Variants in TBC1D32 observed in about 807,000 individuals in gnomAD.
The protein encoded by TBC1D32 is TBC1 domain family member 32.
A neutral mutation model predicts 170.3 loss-of-function variants in TBC1D32; 151 were observed. The ratio of observed to expected loss-of-function variants is 0.89; its 90% CI spans 0.78 to 1.01. The LOEUF (loss-of-function observed/expected upper bound fraction) is 1.01. TBC1D32 is among the 50% of genes least tolerant of loss of function. The probability of loss-of-function intolerance (pLI) is 0.00; values close to 1 mark genes in which losing one functional copy is unlikely to be tolerated. For synonymous variants in TBC1D32, 498 were observed against 488.0 expected, an observed-to-expected ratio of 1.02 and a Z score of -0.27; for missense variants, 1,464 against 1,457.1, an observed-to-expected ratio of 1.00 and a Z score of -0.08.
chr6:121,112,701 ATAAAATAT>A (rs1419865763), intron 28 of TBC1D32, 42 bp from the exon 29 acceptor site: 6 of 1,423,918 alleles, frequency 4.2e-6, no homozygotes, highest in Non-Finnish European at 5.6e-6. Context: ...ATTTTGTAAG[ATAAAATAT>A]TAAAATTCTG....
chr6:121,106,911 G>A (rs990280455), intron 29 of TBC1D32, among the ~76,000 whole-genome samples: 4 of 151,654 alleles, frequency 2.6e-5, no homozygotes, highest in Non-Finnish European at 5.9e-5. Flanking sequence ...CATTGCAAAT[G>A]ATCAATAATG....
At chr6:121,266,467 G>A (rs1029785674) in intron 15 of TBC1D32, among the ~76,000 whole-genome samples, 2 of 152,152 alleles carry the variant, frequency 1.3e-5, no homozygotes, top group African/African-American at 4.8e-5. Flanking sequence ...ACTGTTGGTG[G>A]GAATGTAAAT....
intron 30 of TBC1D32, among the ~76,000 whole-genome samples, chr6:121,101,114 A>G (rs979862411): frequency 6.6e-6 from 1 of 152,066 alleles, no homozygotes; most frequent in African/African-American, 2.4e-5. Context: ...CAACCAAAAA[A>G]AGTCCAGGAC....
At chr6:121,178,448 T>A (rs1257436425) in intron 22 of TBC1D32, among the ~76,000 whole-genome samples, 1 of 152,124 alleles carries the variant, frequency 6.6e-6, no homozygotes, top group African/African-American at 2.4e-5. Flanking sequence ...TAGGCTAAAA[T>A]TAGCTAGGAG....
At chr6:121,103,433 A>G (rs1355641235) in intron 30 of TBC1D32, among the ~76,000 whole-genome samples, 1 of 151,940 alleles carries the variant, frequency 6.6e-6, no homozygotes, top group East Asian at 1.9e-4. Context: ...TGTCCTTTGT[A>G]GGGACATGGA....
chr6:121,259,821 G>A (rs1317065521), intron 15 of TBC1D32, among the ~76,000 whole-genome samples: 1 of 152,172 alleles, frequency 6.6e-6, no homozygotes, highest in Non-Finnish European at 1.5e-5. Context: ...AAACAGAAGA[G>A]CTGCCTGAAA....
intron 22 of TBC1D32, among the ~76,000 whole-genome samples, chr6:121,180,978 A>G (rs1019642049): frequency 3.9e-5 from 6 of 152,126 alleles, no homozygotes; most frequent in African/African-American, 1.4e-4. Context: ...GCCAAGAGGT[A>G]TATGAAAAAA....
chr6:121,252,223 G>GTA (rs2128386630), intron 17 of TBC1D32, among the ~76,000 whole-genome samples: 1 of 152,210 alleles, frequency 6.6e-6, no homozygotes, highest in Non-Finnish European at 1.5e-5. Context: ...CCATTACTGG[G>GTA]TATATACCCG....
chr6:121,147,676 C>T (rs1433183184), intron 24 of TBC1D32, among the ~76,000 whole-genome samples: 6 of 152,002 alleles, frequency 3.9e-5, no homozygotes, highest in Non-Finnish European at 5.9e-5. Flanking sequence ...ACTGCAAACT[C>T]CACCTCCCGG....
chr6:121,285,301 G>C (rs1803627633), intron 12 of TBC1D32, among the ~76,000 whole-genome samples: 1 of 152,172 alleles, frequency 6.6e-6, no homozygotes, highest in African/African-American at 2.4e-5. Flanking sequence ...ATGGGTTGAA[G>C]TCCAGAGCTA....
chr6:121,242,137 A>ATGT, intron 18 of TBC1D32, 64 bp downstream of exon 18: 1 of 1,503,678 alleles, frequency 6.7e-7, no homozygotes, highest in Non-Finnish European at 9.1e-7. Context: ...AAACAGAATG[A>ATGT]TGTTCTTAAT....
intron 15 of TBC1D32, among the ~76,000 whole-genome samples, chr6:121,264,356 C>A (rs748031787): frequency 3.0e-4 from 46 of 151,928 alleles, no homozygotes; most frequent in Non-Finnish European, 5.6e-4. Context: ...GACACATAAA[C>A]CCTCCCAAGA....
chr6:121,176,749 C>T (rs919169427), intron 22 of TBC1D32, among the ~76,000 whole-genome samples: 7 of 152,186 alleles, frequency 4.6e-5, no homozygotes, highest in Admixed American at 3.3e-4. Context: ...CAGGCACGCG[C>T]CACCACGCCC....
chr6:121,093,608 C>G (rs971366804), intron 30 of TBC1D32, among the ~76,000 whole-genome samples: 2 of 152,182 alleles, frequency 1.3e-5, no homozygotes, highest in Non-Finnish European at 2.9e-5. Context: ...GGGGTCTCAG[C>G]TTCTGTCCAC....
At chr6:121,211,432 T>C (rs975183537) in intron 21 of TBC1D32, among the ~76,000 whole-genome samples, 10 of 152,298 alleles carry the variant, frequency 6.6e-5, no homozygotes, top group Non-Finnish European at 1.2e-4. Flanking sequence ...GTGTACACTG[T>C]ACACAGTGTG....
chr6:121,292,309 G>C, intron 11 of TBC1D32, 116 bp from the exon 12 acceptor site: 1 of 1,062,098 alleles, frequency 9.4e-7, no homozygotes, highest in Non-Finnish European at 1.3e-6. Context: ...GACATTACTG[G>C]TCAAAAATTT....
chr6:121,223,425 G>T, intron 20 of TBC1D32, 73 bp from the exon 21 acceptor site: 1 of 990,680 alleles, frequency 1.0e-6, no homozygotes, highest in Non-Finnish European at 1.5e-6. Context: ...CATTAATGTA[G>T]TTTCCTATCT....
intron 20 of TBC1D32, 121 bp from the exon 21 acceptor site, chr6:121,223,473 T>C (rs1044758870): frequency 2.9e-6 from 2 of 699,706 alleles, no homozygotes; most frequent in African/African-American, 1.9e-5. Flanking sequence ...TATACCTAAT[T>C]CCCATACGTT....
At position 121,242,307 on chromosome 6, in the gene TBC1D32, A is replaced by G. The variant is rs200162387; in HGVS notation, c.2051T>C (p.Leu684Ser). The G allele has an allele frequency of 2.3e-5, 37 of 1,612,996 alleles. No homozygotes were observed. The Admixed American group carries it at 3.7e-4, about 16-fold the overall frequency. The change falls in exon 18 of 32, where the codon TTA becomes TCA. Residue 684 changes from leucine to serine, a missense_variant. By Grantham distance (145) the Leu-to-Ser change is moderately radical (BLOSUM62 -2). Coordinates refer to ENST00000398212, the MANE Select transcript of TBC1D32 (RefSeq NM_152730.6). ...TTTGGGGGTGGCAGCAAAATGTAGT[A>G]AATCATCTAACAAATTATCTTCCCA... ...MAWEDNLLDD[L>S]LHFAATPKGL...
Sources: allele counts gnomAD v4.1 joint callset (sites outside exome capture counted in the v4.1 genomes callset), GRCh38; gene constraint gnomAD v4.1.1; transcripts MANE v1.5; gene names NCBI Gene and HGNC (gene_info 2026-07-23, HGNC 2026-07-21).